The following IMMP2L variants were observed in gnomAD, a reference collection of about 807,000 sequenced individuals.
The protein encoded by IMMP2L is inner mitochondrial membrane peptidase subunit 2.
A neutral mutation model predicts 19.3 loss-of-function variants in IMMP2L; 18 were observed. That is an observed-to-expected ratio of 0.93 (90% CI 0.64 to 1.38). The LOEUF (loss-of-function observed/expected upper bound fraction) is 1.38, where lower values mean the gene tolerates loss of function less well. Ranked by LOEUF, IMMP2L falls within the 40% of genes most tolerant of loss-of-function variation. The pLI is 0.00. For synonymous variants in IMMP2L, 76 were observed against 73.0 expected (o/e 1.04, Z -0.21); for missense variants, 233 against 218.2 (o/e 1.07, Z -0.43).
At chr7:111,115,365 G>A (rs1246993961) in intron 3 of IMMP2L, among the ~76,000 whole-genome samples, 1 of 152,126 alleles carries the variant, frequency 6.6e-6, no homozygotes, top group Non-Finnish European at 1.5e-5. Flanking sequence ...TGCTATTAAT[G>A]AAGTGCTCAG....
At chr7:111,089,956 G>T (rs1485912881) in intron 3 of IMMP2L, among the ~76,000 whole-genome samples, 4 of 146,738 alleles carry the variant, frequency 2.7e-5, no homozygotes, top group African/African-American at 1.0e-4. Flanking sequence ...TGAAGGTTTT[G>T]TTTTTTTTTT....
At chr7:111,217,126 T>TCACACACACACACACACA (rs1315821493) in intron 3 of IMMP2L, among the ~76,000 whole-genome samples, 24 of 124,068 alleles carry the variant, frequency 1.9e-4, no homozygotes, top group African/African-American at 6.3e-4. Flanking sequence ...TCTCTCTCTC[T>TCACACACACACACACACA]CACACACACA....
At chr7:111,144,478 C>T (rs547367974) in intron 3 of IMMP2L, among the ~76,000 whole-genome samples, 2 of 152,174 alleles carry the variant, frequency 1.3e-5, no homozygotes, top group Admixed American at 1.3e-4. Context: ...GATCATAATG[C>T]TCATTGGTAC....
intron 3 of IMMP2L, among the ~76,000 whole-genome samples, chr7:111,218,230 A>C (rs536314979): frequency 1.8e-4 from 28 of 152,210 alleles, no homozygotes; most frequent in African/African-American, 6.5e-4. Context: ...CTTATGCAAG[A>C]CATCACCAGA....
intron 3 of IMMP2L, among the ~76,000 whole-genome samples, chr7:111,372,110 G>A (rs1232406519): frequency 6.6e-6 from 1 of 151,924 alleles, no homozygotes; most frequent in Non-Finnish European, 1.5e-5. Context: ...CCAACATCAT[G>A]CATAAAAATT....
intron 5 of IMMP2L, among the ~76,000 whole-genome samples, chr7:110,746,913 T>C (rs2130897348): frequency 6.6e-6 from 1 of 152,096 alleles, no homozygotes; most frequent in Non-Finnish European, 1.5e-5. Flanking sequence ...AGTGCAGAAC[T>C]GAAGGAGACA....
chr7:111,200,593 C>T (rs1280378564), intron 3 of IMMP2L, among the ~76,000 whole-genome samples: 3 of 135,120 alleles, frequency 2.2e-5, no homozygotes, highest in Admixed American at 7.4e-5. Context: ...GAAGAACTCA[C>T]TATCTGCTGG....
At chr7:110,765,640 C>T (rs1332816925) in intron 5 of IMMP2L, among the ~76,000 whole-genome samples, 2 of 152,116 alleles carry the variant, frequency 1.3e-5, no homozygotes, top group Non-Finnish European at 1.5e-5. Context: ...ATCATTCACT[C>T]ATTTGAGAAA....
At chr7:111,539,493 C>T (rs2529493) in intron 1 of IMMP2L, among the ~76,000 whole-genome samples, 11 of 152,070 alleles carry the variant, frequency 7.2e-5, no homozygotes, top group African/African-American at 2.7e-4. Context: ...GTTAGATTTT[C>T]TTTCAAAGCA....
chr7:111,358,107 C>G (rs1213041379), intron 3 of IMMP2L, among the ~76,000 whole-genome samples: 1 of 150,764 alleles, frequency 6.6e-6, no homozygotes, highest in African/African-American at 2.4e-5. Flanking sequence ...CTTGTTTTTG[C>G]TATACCCTCT....
At chr7:111,091,428 T>C (rs993910799) in intron 3 of IMMP2L, 5 of 152,174 alleles carry the variant, frequency 3.3e-5, no homozygotes, top group African/African-American at 1.2e-4. Flanking sequence ...AACCATGTGA[T>C]TATCTCAACC....
At chr7:111,176,792 C>T (rs1046567733) in intron 3 of IMMP2L, among the ~76,000 whole-genome samples, 3 of 150,724 alleles carry the variant, frequency 2.0e-5, no homozygotes, top group African/African-American at 7.4e-5. Context: ...TAAACCCATT[C>T]GAACCATAAA....
intron 2 of IMMP2L, among the ~76,000 whole-genome samples, chr7:111,498,406 C>T (rs935220083): frequency 2.6e-5 from 4 of 151,962 alleles, no homozygotes; most frequent in Non-Finnish European, 4.4e-5. Context: ...GCCAGCTACA[C>T]GGAAAAACCC....
chr7:110,893,505 G>A (rs946629002), intron 4 of IMMP2L, among the ~76,000 whole-genome samples: 1 of 152,150 alleles, frequency 6.6e-6, no homozygotes, highest in African/African-American at 2.4e-5. Context: ...CTATATGAAT[G>A]TACCAGAATT....
chr7:111,517,348 T>A (rs146791073), intron 2 of IMMP2L, among the ~76,000 whole-genome samples: 1 of 151,852 alleles, frequency 6.6e-6, no homozygotes, highest in Non-Finnish European at 1.5e-5. Context: ...GACCTAGAGA[T>A]ACAGTATTGT....
intron 3 of IMMP2L, among the ~76,000 whole-genome samples, chr7:111,441,963 C>T (rs1288647471): frequency 6.6e-6 from 1 of 151,536 alleles, no homozygotes; most frequent in Non-Finnish European, 1.5e-5. Flanking sequence ...ATGGTGAAAC[C>T]CTGTCTCTAC....
At position 110,961,118 on chromosome 7, in the gene IMMP2L, T is replaced by C. The variant is rs114521635; in HGVS notation, c.305+2382A>G. ...GAAATGATACAGCCACTTTCTAAAA[T>C]AGTTTGGCAGTTTCTTACAAAGTTA... On this transcript the variant is annotated intron_variant, in intron 4 of 5. Coordinates refer to ENST00000405709, the MANE Select transcript of IMMP2L (RefSeq NM_032549.4). Among the ~76,000 whole-genome samples, 767 of 151,996 alleles carry C rather than the reference T, an allele frequency of 5.0e-3. 11 individuals carry two copies. Among genetic ancestry groups the C allele is most frequent in the African/African-American group, 0.018 (740 of 41,518 alleles).
chr7:110,982,097 T>G (rs1821364289), intron 3 of IMMP2L, among the ~76,000 whole-genome samples: 1 of 152,192 alleles, frequency 6.6e-6, no homozygotes, highest in South Asian at 2.1e-4. Context: ...TGGTTAGGTA[T>G]TAACTGTGCA....
intron 3 of IMMP2L, among the ~76,000 whole-genome samples, chr7:111,044,315 T>A (rs1792175082): frequency 6.6e-6 from 1 of 152,184 alleles, no homozygotes; most frequent in Non-Finnish European, 1.5e-5. Context: ...ATCCCAGAGC[T>A]TTGGGAGGTC....
Sources: allele counts gnomAD v4.1 joint callset (sites outside exome capture counted in the v4.1 genomes callset), GRCh38; gene constraint gnomAD v4.1.1; transcripts MANE v1.5; gene names NCBI Gene and HGNC (gene_info 2026-07-23, HGNC 2026-07-21).